The following PDE1A variants were observed in gnomAD, a reference collection of about 807,000 sequenced individuals.
The protein encoded by PDE1A is phosphodiesterase 1A.
A neutral mutation model predicts 61.7 loss-of-function variants in PDE1A; 35 were observed. That is an observed-to-expected ratio of 0.57 (90% CI 0.43 to 0.75). PDE1A has a LOEUF of 0.75. Among genes scored for constraint, PDE1A ranks in the 30% least tolerant of loss-of-function variants. The pLI is 0.00. For synonymous variants in PDE1A, 232 were observed against 213.2 expected (o/e 1.09, Z -0.77); for missense variants, 597 against 630.6 (o/e 0.95, Z 0.57).
chr2:182,608,790 G>T, the PDE1A span, among the ~76,000 whole-genome samples: 1 of 152,264 alleles, frequency 6.6e-6, no homozygotes, highest in Non-Finnish European at 1.5e-5. Flanking sequence ...CGGCCGCAGG[G>T]CGCGGGACTG....
the PDE1A span, among the ~76,000 whole-genome samples, chr2:182,668,587 G>A: frequency 6.6e-6 from 1 of 152,160 alleles, no homozygotes; most frequent in Non-Finnish European, 1.5e-5. Context: ...GGAGTTGGTG[G>A]ATGACTGGTA....
chr2:182,648,013 A>G, the PDE1A span, among the ~76,000 whole-genome samples: 1 of 152,146 alleles, frequency 6.6e-6, no homozygotes, highest in East Asian at 1.9e-4. Flanking sequence ...CTGATTTTCA[A>G]ATTTGCTTGA....
intron 7 of PDE1A, among the ~76,000 whole-genome samples, chr2:182,206,480 AT>A (rs1687112303): frequency 6.6e-6 from 1 of 152,240 alleles, no homozygotes; most frequent in South Asian, 2.1e-4. Context: ...AGACAAGTGA[AT>A]AATGACATGT....
intron 1 of PDE1A, among the ~76,000 whole-genome samples, chr2:182,417,676 T>C (rs774730533): frequency 4.6e-5 from 7 of 152,220 alleles, no homozygotes; most frequent in African/African-American, 1.7e-4. Context: ...GTTAATCTTA[T>C]CAAAATGTTT....
At chr2:182,646,279 C>G in the PDE1A span, among the ~76,000 whole-genome samples, 5 of 147,556 alleles carry the variant, frequency 3.4e-5, no homozygotes, top group Non-Finnish European at 5.9e-5. Context: ...GAAACCCTGT[C>G]TTTACTAAAA....
chr2:182,696,644 G>A, the PDE1A span, among the ~76,000 whole-genome samples: 4 of 152,148 alleles, frequency 2.6e-5, no homozygotes, highest in Non-Finnish European at 4.4e-5. Flanking sequence ...TGTCAATGCA[G>A]GTTCATTAAT....
intron 2 of PDE1A, among the ~76,000 whole-genome samples, chr2:182,248,880 C>T (rs780977292): frequency 2.6e-5 from 4 of 152,194 alleles, no homozygotes; most frequent in South Asian, 4.1e-4. Context: ...CACGCAGCAA[C>T]GAACTCATTC....
At chr2:182,623,398 A>T in the PDE1A span, among the ~76,000 whole-genome samples, 1 of 152,160 alleles carries the variant, frequency 6.6e-6, no homozygotes. Flanking sequence ...GGCCCAAAAG[A>T]CAGAAAAAAA....
the PDE1A span, among the ~76,000 whole-genome samples, chr2:182,551,435 G>T: frequency 6.6e-6 from 1 of 152,116 alleles, no homozygotes; most frequent in East Asian, 1.9e-4. Flanking sequence ...ATAGAGAAAA[G>T]CAGTGGGTGT....
intron 2 of PDE1A, among the ~76,000 whole-genome samples, chr2:182,261,156 T>C (rs1363170384): frequency 1.3e-5 from 2 of 152,224 alleles, no homozygotes; most frequent in Non-Finnish European, 1.5e-5. Context: ...TCTAAATCTT[T>C]CAGAGGTCAC....
the PDE1A span, among the ~76,000 whole-genome samples, chr2:182,546,203 G>A: frequency 6.6e-6 from 1 of 152,176 alleles, no homozygotes; most frequent in Admixed American, 6.5e-5. Flanking sequence ...GAGAGAAGGG[G>A]CAGATCAGGA....
At chr2:182,708,161 A>G in the PDE1A span, among the ~76,000 whole-genome samples, 2 of 152,084 alleles carry the variant, frequency 1.3e-5, no homozygotes, top group Non-Finnish European at 2.9e-5. Flanking sequence ...AATTAAAAAT[A>G]CACAGTTTAG....
intron 1 of PDE1A, among the ~76,000 whole-genome samples, chr2:182,316,593 G>A (rs1409276410): frequency 6.6e-6 from 1 of 152,030 alleles, no homozygotes; most frequent in African/African-American, 2.4e-5. Context: ...AATATTGTTG[G>A]TGTCTTCATT....
intron 1 of PDE1A, among the ~76,000 whole-genome samples, chr2:182,383,969 C>T (rs1392207399): frequency 6.6e-6 from 1 of 152,190 alleles, no homozygotes; most frequent in Admixed American, 6.6e-5. Context: ...TACTTTTGGA[C>T]TGAGCCTGTA....
chr2:182,570,733 C>A, the PDE1A span, among the ~76,000 whole-genome samples: 2 of 152,154 alleles, frequency 1.3e-5, no homozygotes, highest in Non-Finnish European at 2.9e-5. Flanking sequence ...ATATGTCCTT[C>A]AGTCATTAAT....
At chr2:182,373,789 T>C (rs1236193575) in intron 1 of PDE1A, among the ~76,000 whole-genome samples, 1 of 152,044 alleles carries the variant, frequency 6.6e-6, no homozygotes, top group Non-Finnish European at 1.5e-5. Context: ...AGGGACAGAT[T>C]AAAAATACAT....
At chr2:182,672,034 C>T in the PDE1A span, among the ~76,000 whole-genome samples, 7 of 152,172 alleles carry the variant, frequency 4.6e-5, no homozygotes, top group African/African-American at 1.7e-4. Context: ...ATTGCTAGAA[C>T]ATTTAATGTG....
chr2:182,303,167 T>G (rs564643599), intron 1 of PDE1A, among the ~76,000 whole-genome samples: 28 of 152,220 alleles, frequency 1.8e-4, no homozygotes, highest in Non-Finnish European at 4.0e-4. Context: ...GAATGGTGAA[T>G]CTTTTCCAGA....
rs1271620831 is a variant in PDE1A, at chr2:182,245,474, T to TA, written c.168-5183dup. Among the ~76,000 whole-genome samples, 10 of 152,010 alleles carry TA rather than the reference T, an allele frequency of 6.6e-5. No homozygotes were observed. In the South Asian group the frequency reaches 8.3e-4, roughly 13 times the overall value. ...ATCATACAGGGTAGTTCCACTGCCC[T>TA]AAAAAAAATCCCTATACTTCATCTA... On this transcript the variant is annotated intron_variant, in intron 2 of 13. Coordinates refer to ENST00000351439, the Ensembl canonical transcript of PDE1A.
Sources: gnomAD v4.1 joint callset for allele counts (sites outside exome capture counted in the v4.1 genomes callset) on GRCh38, gnomAD v4.1.1 for gene constraint, MANE v1.5 for transcripts, NCBI Gene and HGNC (gene_info 2026-07-23, HGNC 2026-07-21) for gene names.